NAALADL2: variants seen among roughly 807,000 people sequenced by gnomAD.
NAALADL2 encodes N-acetylated alpha-linked acidic dipeptidase like 2, also known as inactive N-acetylated-alpha-linked acidic dipeptidase-like protein 2.
Under a neutral mutation model 87.2 loss-of-function variants are expected in NAALADL2, and 76 were observed. The observed-to-expected ratio is 0.87, with a 90% CI of 0.72 to 1.05. The LOEUF (loss-of-function observed/expected upper bound fraction) is 1.05, where lower values mean the gene tolerates loss of function less well. Among genes scored for constraint, NAALADL2 ranks in the 50% least tolerant of loss-of-function variants. The probability of loss-of-function intolerance (pLI) is 0.00; values close to 1 mark genes in which losing one functional copy is unlikely to be tolerated. For synonymous variants in NAALADL2, 354 were observed against 331.0 expected (o/e 1.07, Z -0.75); for missense variants, 1,089 against 945.8 (o/e 1.15, Z -1.99).
At chr3:175,232,882 T>C (rs1204956426) in intron 2 of NAALADL2, among the ~76,000 whole-genome samples, 1 of 134,830 alleles carries the variant, frequency 7.4e-6, no homozygotes, top group Non-Finnish European at 1.6e-5. Flanking sequence ...TTTTTATTAA[T>C]ATTTCAGCCA....
chr3:175,207,261 C>T (rs1309605126), intron 2 of NAALADL2, among the ~76,000 whole-genome samples: 1 of 151,504 alleles, frequency 6.6e-6, no homozygotes, highest in African/African-American at 2.4e-5. Context: ...TTATTGGAGA[C>T]TAGAAGGTTT....
intron 3 of NAALADL2, among the ~76,000 whole-genome samples, chr3:174,812,487 C>T (rs144411557): frequency 0.013 from 1,992 of 152,194 alleles, 15 homozygotes; most frequent in South Asian, 0.036. Context: ...CAACTATGTT[C>T]CTGGTTTATG....
chr3:174,841,475 A>G (rs905494888), intron 3 of NAALADL2, among the ~76,000 whole-genome samples: 1 of 152,198 alleles, frequency 6.6e-6, no homozygotes, highest in African/African-American at 2.4e-5. Context: ...AACTTCCTAC[A>G]TCACAGTTGG....
chr3:175,638,158 A>C (rs1728799356), intron 11 of NAALADL2, among the ~76,000 whole-genome samples: 1 of 151,972 alleles, frequency 6.6e-6, no homozygotes, highest in African/African-American at 2.4e-5. Context: ...TTTTATCTAA[A>C]TTCAATACAT....
intron 1 of NAALADL2, among the ~76,000 whole-genome samples, chr3:174,869,733 GAA>G (rs1727573022): frequency 6.6e-6 from 1 of 151,912 alleles, no homozygotes; most frequent in Admixed American, 6.6e-5. Flanking sequence ...AAAGCACTAG[GAA>G]AAAAATAAAA....
intron 2 of NAALADL2, among the ~76,000 whole-genome samples, chr3:175,117,224 A>T (rs1725387911): frequency 6.6e-6 from 1 of 152,026 alleles, no homozygotes; most frequent in Non-Finnish European, 1.5e-5. Context: ...TGTCTAAAAA[A>T]CCAAAAGCAA....
chr3:175,096,049 CA>C (rs1020309489), intron 1 of NAALADL2, among the ~76,000 whole-genome samples: 1 of 152,050 alleles, frequency 6.6e-6, no homozygotes, highest in African/African-American at 2.4e-5. Context: ...CCTAGGCTGG[CA>C]AAAGGCTTTC....
At chr3:174,571,071 C>A (rs998007582) in intron 2 of NAALADL2, among the ~76,000 whole-genome samples, 1 of 152,072 alleles carries the variant, frequency 6.6e-6, no homozygotes, top group Admixed American at 6.6e-5. Flanking sequence ...TGAGATCTTG[C>A]CTTTCGGATA....
intron 2 of NAALADL2, among the ~76,000 whole-genome samples, chr3:174,609,835 A>G (rs1445858100): frequency 6.6e-6 from 1 of 152,162 alleles, no homozygotes; most frequent in African/African-American, 2.4e-5. Flanking sequence ...TATGGAACCA[A>G]AAAAGAGCCC....
chr3:175,542,222 T>G (rs1712475927), intron 9 of NAALADL2, among the ~76,000 whole-genome samples: 1 of 152,180 alleles, frequency 6.6e-6, no homozygotes, highest in African/African-American at 2.4e-5. Context: ...TTATTAATAT[T>G]TTAATGTTTT....
chr3:174,695,210 A>G (rs1419415072), intron 2 of NAALADL2, among the ~76,000 whole-genome samples: 1 of 151,978 alleles, frequency 6.6e-6, no homozygotes. Context: ...TGTGAATAAG[A>G]CAGTCCTTAG....
rs532060732 is a variant in NAALADL2, at chr3:175,790,955, A to C, written c.2190-12050A>C. 3.0e-4 allele frequency among the ~76,000 whole-genome samples: 46 copies of C among 152,332 alleles called. No homozygotes were observed. The South Asian group carries it at 9.1e-3, about 30-fold the overall frequency. On this transcript the variant is annotated intron_variant, in intron 13 of 13. Transcript: ENST00000454872. ...TTGTATATGTAAAACTCACTGGAGG[A>C]ATTGTTGAATTTATGTGGGTGTCAT...
chr3:174,877,509 A>C (rs748097443), intron 1 of NAALADL2, among the ~76,000 whole-genome samples: 2 of 152,072 alleles, frequency 1.3e-5, no homozygotes, highest in African/African-American at 2.4e-5. Context: ...CAAATCCAAC[A>C]ACAAAGAAAA....
At chr3:175,170,345 C>G (rs1169185097) in intron 2 of NAALADL2, among the ~76,000 whole-genome samples, 1 of 149,884 alleles carries the variant, frequency 6.7e-6, no homozygotes, top group African/African-American at 2.4e-5. Flanking sequence ...ATATGAATTT[C>G]TTCAAGTATT....
intron 1 of NAALADL2, among the ~76,000 whole-genome samples, chr3:174,897,414 A>C (rs1731685636): frequency 2.0e-5 from 3 of 152,292 alleles, no homozygotes; most frequent in Middle Eastern, 3.4e-3. Context: ...GGTAAAAAAA[A>C]AAAAAGTGCT....
chr3:175,387,397 G>A (rs961843662), intron 5 of NAALADL2, among the ~76,000 whole-genome samples: 1 of 151,996 alleles, frequency 6.6e-6, no homozygotes, highest in African/African-American at 2.4e-5. Flanking sequence ...GGTACAATTG[G>A]TCTAGGATAG....
intron 11 of NAALADL2, among the ~76,000 whole-genome samples, chr3:175,648,387 G>A (rs1730299880): frequency 1.3e-5 from 2 of 151,710 alleles, no homozygotes; most frequent in African/African-American, 2.4e-5. Context: ...TTTGAAAACT[G>A]GATATAATTC....
chr3:174,881,614 T>C (rs909058118), intron 1 of NAALADL2, among the ~76,000 whole-genome samples: 3 of 152,180 alleles, frequency 2.0e-5, no homozygotes, highest in African/African-American at 7.2e-5. Flanking sequence ...TTATTATGCT[T>C]GTTTTTATTG....
intron 1 of NAALADL2, among the ~76,000 whole-genome samples, chr3:174,974,276 T>C (rs1185402872): frequency 6.6e-6 from 1 of 152,196 alleles, no homozygotes; most frequent in East Asian, 1.9e-4. Flanking sequence ...CACCCTTTAG[T>C]GGTGTGCTGT....
Sources: allele counts gnomAD v4.1 joint callset (sites outside exome capture counted in the v4.1 genomes callset), GRCh38; gene constraint gnomAD v4.1.1; transcripts MANE v1.5; gene names NCBI Gene and HGNC (gene_info 2026-07-23, HGNC 2026-07-21).